The following DSC1 variants were observed in gnomAD, a reference collection of about 807,000 sequenced individuals.
DSC1 encodes the protein desmocollin-1.
A neutral mutation model predicts 98.8 loss-of-function variants in DSC1; 79 were observed. The observed-to-expected ratio is 0.80, with a 90% CI of 0.67 to 0.96. The LOEUF (loss-of-function observed/expected upper bound fraction) is 0.96. DSC1 is among the 50% of genes least tolerant of loss of function. The pLI, the probability that DSC1 is intolerant of heterozygous loss-of-function variation, is 0.00. For synonymous variants in DSC1, 405 were observed against 372.1 expected, an observed-to-expected ratio of 1.09 and a Z score of -1.02; for missense variants, 1,115 against 1,075.9, an observed-to-expected ratio of 1.04 and a Z score of -0.51.
Position 31,132,607 on chromosome 18 carries a change from T to A in DSC1, c.2199A>T (p.Leu733Phe). Residue 733 changes from leucine to phenylalanine, a missense_variant, in exon 14 of 16, where the codon TTA (leucine) becomes TTT (phenylalanine). Coordinates refer to ENST00000257198, the MANE Select transcript of DSC1 (RefSeq NM_024421.2). ...CFPEDIAQQN[L>F]IVSNTEGPGE... is the part of the protein sequence containing the mutation. ...CAGGTCCTTCAGTATTTGATACAATTAAATTTTGCTGGGCTATGTCTTCTG... is the reference window on the plus strand; with the variant it reads ...CAGGTCCTTCAGTATTTGATACAATAAAATTTTGCTGGGCTATGTCTTCTG... 6.2e-7 allele frequency: 1 copy of A among 1,613,632 alleles called. No homozygotes were observed. The highest frequency in any genetic ancestry group is 8.5e-7 in the Non-Finnish European group (1 of 1,179,680).
intron 11 of DSC1, among the ~76,000 whole-genome samples, chr18:31,136,485 A>G (rs1208343414): frequency 6.6e-6 from 1 of 152,208 alleles, no homozygotes; most frequent in African/African-American, 2.4e-5. Context: ...TTTCTATTAC[A>G]GTCTCTGCTT....
intron 5 of DSC1, among the ~76,000 whole-genome samples, chr18:31,153,978 G>T (rs555493486): frequency 2.6e-5 from 4 of 152,032 alleles, no homozygotes; most frequent in Non-Finnish European, 5.9e-5. Flanking sequence ...CTTTAGCAAA[G>T]AACTTTATTA....
chr18:31,144,818 A>G (rs899298650), intron 7 of DSC1, among the ~76,000 whole-genome samples: 4 of 152,370 alleles, frequency 2.6e-5, no homozygotes, highest in South Asian at 2.1e-4. Context: ...TGATGTGTCA[A>G]CATAAATGTA....
intron 3 of DSC1, among the ~76,000 whole-genome samples, chr18:31,156,536 A>C (rs777549617): frequency 8.5e-5 from 13 of 152,206 alleles, no homozygotes; most frequent in Non-Finnish European, 1.5e-4. Context: ...CAATACAATC[A>C]TTTATACATC....
chr18:31,145,491 G>T (rs1988827395), intron 7 of DSC1, 120 bp downstream of exon 7: 2 of 1,096,782 alleles, frequency 1.8e-6, no homozygotes, highest in South Asian at 3.2e-5. Context: ...AGCCCTAACC[G>T]CAGCCTACAG....
chr18:31,155,052 C>G, intron 4 of DSC1, 123 bp from the exon 5 acceptor site: 1 of 1,156,628 alleles, frequency 8.6e-7, no homozygotes, highest in Non-Finnish European at 1.2e-6. Context: ...TTTCTTTCTT[C>G]TGCTTAGGTG....
Position 31,157,473 on chromosome 18 carries a change from G to T in DSC1, c.249C>A (p.Leu83=), listed in dbSNP as rs765140793. 1.1e-5 allele frequency: 17 copies of T among 1,614,164 alleles called. No homozygotes were observed. Among genetic ancestry groups the T allele is most frequent in the Non-Finnish European group, 1.4e-5 (17 of 1,180,036 alleles). ...EDGSIYTTHD[L]ILSSERKSFS... is the part of the protein sequence containing the mutation. ...AACTTTTCCTTTCAGAAGACAAAAT[G>T]AGGTCATGTGTTGTGTAAATTGAGC... The change falls in exon 3 of 16, where the codon CTC becomes CTA. Residue 83 remains leucine (L), a synonymous_variant. Transcript: ENST00000257198.
rs115895313 is a variant in DSC1, at chr18:31,154,775, G to A, written c.626C>T (p.Ala209Val). The change falls in exon 5 of 16, where the codon GCG becomes GTG. Residue 209 changes from alanine (A) to valine (V), a missense_variant and splice_region_variant. Physicochemically the swap from Ala to Val is moderately conservative, Grantham distance 64 (BLOSUM62 0). Transcript: ENST00000257198. ...GAATAAATATTTCAATAATCCTACC[G>A]CAAACTGTTCATATTTCTCACGGTC... is the stretch of plus-strand genomic sequence containing the variant. ...SIDREKYEQF[A>V]LYGYATTADG... The A allele has an allele frequency of 5.6e-5, 90 of 1,605,742 alleles. No individual in the cohort carries two copies. In the African/African-American group the frequency reaches 8.5e-4, roughly 15 times the overall value.
chr18:31,159,580 T>G (rs1989173540), intron 1 of DSC1, 51 bp from the exon 2 acceptor site: 2 of 1,493,496 alleles, frequency 1.3e-6, no homozygotes, highest in Admixed American at 4.4e-5. Flanking sequence ...GATCACAAAT[T>G]TTCACATTGT....
At chr18:31,139,911 A>G in intron 10 of DSC1, 21 bp from the exon 11 acceptor site, 3 of 1,586,150 alleles carry the variant, frequency 1.9e-6, no homozygotes, top group East Asian at 2.2e-5. Flanking sequence ...GAAATCAAAT[A>G]TGAACGGTCA....
chr18:31,146,911 G>A (rs1394689340), intron 6 of DSC1, among the ~76,000 whole-genome samples: 1 of 152,100 alleles, frequency 6.6e-6, no homozygotes, highest in Non-Finnish European at 1.5e-5. Flanking sequence ...AAAATCATAG[G>A]GAGTAGTCTA....
intron 13 of DSC1, among the ~76,000 whole-genome samples, chr18:31,133,246 A>G (rs997823280): frequency 6.6e-6 from 1 of 152,182 alleles, no homozygotes; most frequent in Admixed American, 6.5e-5. Flanking sequence ...AAGAAAAGGA[A>G]AAGAAGAGAG....
intron 6 of DSC1, among the ~76,000 whole-genome samples, chr18:31,146,041 A>C (rs534204238): frequency 6.6e-6 from 1 of 152,288 alleles, no homozygotes; most frequent in South Asian, 2.1e-4. Flanking sequence ...TAGAAACAGT[A>C]GTTCTGAAAT....
Position 31,160,487 on chromosome 18 carries a change from A to T in DSC1, c.64-958T>A, listed in dbSNP as rs147636654. On this transcript the variant is annotated intron_variant, in intron 1 of 15. Transcript: ENST00000257198. ...GAATGGATTAACATCCATATTAAGG[A>T]TGTGCACTTCTTTTCCAGCTCATCT... 6.6e-5 allele frequency among the ~76,000 whole-genome samples: 10 copies of T among 152,264 alleles called. No homozygotes were observed. The East Asian group carries it at 1.9e-3, about 29-fold the overall frequency.
intron 1 of DSC1, among the ~76,000 whole-genome samples, chr18:31,160,546 A>C (rs1989189798): frequency 6.6e-6 from 1 of 152,144 alleles, no homozygotes; most frequent in African/African-American, 2.4e-5. Flanking sequence ...CAGTCTAATT[A>C]AATAGTTTGT....
intron 7 of DSC1, among the ~76,000 whole-genome samples, chr18:31,145,178 A>G (rs973780670): frequency 6.6e-6 from 1 of 151,738 alleles, no homozygotes; most frequent in Non-Finnish European, 1.5e-5. Context: ...TCCTAACCTC[A>G]TGATCCGCCC....
chr18:31,130,637 G>T lies in DSC1; in HGVS notation c.2562C>A (p.Gly854=), dbSNP rs376078152. ...CTACTGAGCCGGCCAGAGAACCTTT[G>T]CCTTCATAGTTATACGAACAAACGT... The part of the protein sequence containing the change: ...EDYVCSYNYE[G]KGSLAGSVGC... Residue 854 remains glycine (G), a synonymous_variant, in exon 16 of 16, where the codon GGC becomes GGA. Coordinates refer to ENST00000257198, the MANE Select transcript of DSC1 (RefSeq NM_024421.2). The T allele has an allele frequency of 3.1e-6, 5 of 1,614,064 alleles. No homozygotes were observed. Among genetic ancestry groups the T allele is most frequent in the Non-Finnish European group, 4.2e-6 (5 of 1,180,012 alleles).
At chr18:31,154,306 G>A (rs1459796264) in intron 5 of DSC1, among the ~76,000 whole-genome samples, 1 of 150,848 alleles carries the variant, frequency 6.6e-6, no homozygotes, top group African/African-American at 2.4e-5. Flanking sequence ...AAGGGGCTAA[G>A]GCAGTGGATC....
In DSC1 at chr18:31,157,390, A is replaced by T; in HGVS notation, c.332T>A (p.Leu111Gln). The change falls in exon 3 of 16, where the codon CTG becomes CAG. Residue 111 changes from leucine to glutamine, a missense_variant. Physicochemically the swap from Leu to Gln is moderately radical, Grantham distance 113. Coordinates refer to ENST00000257198, the MANE Select transcript of DSC1 (RefSeq NM_024421.2). ...TTATACCTTGTTTTCTCTTGCTGAC[A>T]GTACAACTTTTATCTCTTGTTGTTC... The part of the protein sequence containing the change: ...RREQQEIKVV[L>Q]SARENKSPKK... 1 of 1,614,200 alleles carries T rather than the reference A, an allele frequency of 6.2e-7. No homozygotes were observed. Among genetic ancestry groups the T allele is most frequent in the East Asian group, 2.2e-5 (1 of 44,886 alleles).
Sources: allele counts gnomAD v4.1 joint callset (sites outside exome capture counted in the v4.1 genomes callset), GRCh38; gene constraint gnomAD v4.1.1; transcripts MANE v1.5; gene names NCBI Gene and HGNC (gene_info 2026-07-23, HGNC 2026-07-21).